ENOX2: variants seen among roughly 807,000 people sequenced by gnomAD.
ENOX2 encodes the protein APK1 antigen.
ENOX2 carries 36 observed loss-of-function variants against 45.0 expected under a neutral mutation model. The ratio of observed to expected loss-of-function variants is 0.80; its 90% CI spans 0.61 to 1.06. ENOX2 has a LOEUF of 1.06. ENOX2 is among the 50% of genes least tolerant of loss of function. ENOX2 has a pLI of 0.00. For missense variants in ENOX2, 423 were observed against 462.5 expected (o/e 0.91, Z 0.78); for synonymous variants, 174 against 152.3 (o/e 1.14, Z -1.05).
intron 3 of ENOX2, among the ~76,000 whole-genome samples, chrX:130,726,117 T>C (rs1470297813): frequency 2.7e-5 from 3 of 112,170 alleles, no homozygotes; most frequent in African/African-American, 9.7e-5. Context: ...GAACTTGGAA[T>C]ACACATGAAC....
intron 13 of ENOX2, among the ~76,000 whole-genome samples, chrX:130,628,578 A>G (rs1390284684): frequency 1.8e-5 from 2 of 112,881 alleles, no homozygotes; most frequent in Non-Finnish European, 3.7e-5. Flanking sequence ...GCCTCTCACA[A>G]GAAAGTCTGC....
intron 3 of ENOX2, among the ~76,000 whole-genome samples, chrX:130,752,867 TTCTC>T (rs2039259553): frequency 9.0e-6 from 1 of 111,038 alleles, no homozygotes; most frequent in Non-Finnish European, 1.9e-5. Flanking sequence ...TGGTCTCTGC[TTCTC>T]TCTATGATGA....
intron 10 of ENOX2, among the ~76,000 whole-genome samples, chrX:130,645,424 A>G (rs2036202070): frequency 8.9e-6 from 1 of 112,589 alleles, no homozygotes; most frequent in African/African-American, 3.2e-5. Context: ...AATGTAGTCC[A>G]GGAAATACAA....
intron 4 of ENOX2, among the ~76,000 whole-genome samples, chrX:130,702,190 C>T: frequency 9.0e-6 from 1 of 111,459 alleles, no homozygotes; most frequent in Middle Eastern, 4.6e-3. Flanking sequence ...AATGGCAAGA[C>T]AAAATGGCAT....
chrX:130,707,159 A>T (rs1160605420), intron 3 of ENOX2, among the ~76,000 whole-genome samples: 2 of 112,147 alleles, frequency 1.8e-5, no homozygotes. Flanking sequence ...AATATTCAGA[A>T]GGCGAATGCT....
intron 8 of ENOX2, among the ~76,000 whole-genome samples, chrX:130,666,314 G>A (rs1299776900): frequency 8.9e-6 from 1 of 111,957 alleles, no homozygotes; most frequent in Non-Finnish European, 1.9e-5. Context: ...AGATAGACTC[G>A]TTGACTGGAA....
At chrX:130,890,584 T>C (rs2078970892) in intron 2 of ENOX2, among the ~76,000 whole-genome samples, 1 of 112,453 alleles carries the variant, frequency 8.9e-6, no homozygotes, top group Non-Finnish European at 1.9e-5. Context: ...AAAACAGAAA[T>C]TGTAACAGTT....
At chrX:130,782,447 T>C (rs1398312319) in intron 3 of ENOX2, among the ~76,000 whole-genome samples, 1 of 111,714 alleles carries the variant, frequency 9.0e-6, no homozygotes, top group African/African-American at 3.3e-5. Flanking sequence ...CTATACACCA[T>C]GCCTTTCCAT....
intron 6 of ENOX2, 150 bp from the exon 7 acceptor site, chrX:130,670,348 C>T: frequency 2.2e-6 from 1 of 451,755 alleles, no homozygotes; most frequent in Non-Finnish European, 3.9e-6. Context: ...TGCAGCAGTT[C>T]CAAGTGACCA....
intron 10 of ENOX2, among the ~76,000 whole-genome samples, chrX:130,655,020 A>C (rs2036510337): frequency 8.9e-6 from 1 of 112,449 alleles, no homozygotes; most frequent in Non-Finnish European, 1.9e-5. Flanking sequence ...CACTGACTAA[A>C]TACTGTGTAC....
intron 7 of ENOX2, among the ~76,000 whole-genome samples, chrX:130,668,335 C>T (rs1236294202): frequency 1.8e-5 from 2 of 111,710 alleles, no homozygotes; most frequent in Non-Finnish European, 3.8e-5. Flanking sequence ...TGCACATCTT[C>T]GACCTTTTAT....
At position 130,866,999 on chromosome X, in the gene ENOX2, TTATAAC is replaced by T. The variant is rs1034580434; in HGVS notation, c.-183+34679_-183+34684del. Among the ~76,000 whole-genome samples the T allele has an allele frequency of 3.8e-4, 42 of 110,844 alleles. No homozygotes were observed. In the South Asian group the frequency reaches 0.013, roughly 35 times the overall value. On this transcript the variant is annotated intron_variant, in intron 2 of 14. Transcript: ENST00000394363. ...TTATTAATATTTACTATATTATAAA[TTATAAC>T]TATGACTTGTAAAAGTAATTATTCA...
intron 3 of ENOX2, among the ~76,000 whole-genome samples, chrX:130,724,187 C>T (rs773355297): frequency 2.0e-4 from 23 of 112,388 alleles, no homozygotes; most frequent in Non-Finnish European, 3.8e-4. Flanking sequence ...CTTTTGCCAA[C>T]TGAACTCAGC....
chrX:130,881,527 C>T (rs1420104019), intron 2 of ENOX2, among the ~76,000 whole-genome samples: 1 of 112,059 alleles, frequency 8.9e-6, no homozygotes, highest in Admixed American at 9.4e-5. Flanking sequence ...TTACACATGT[C>T]TTAGGTAACG....
Position 130,679,659 on chromosome X carries a change from T to C in ENOX2, c.343A>G (p.Ile115Val). 1.7e-6 allele frequency: 2 copies of C among 1,210,210 alleles called. No homozygotes were observed. Among genetic ancestry groups the C allele is most frequent in the Non-Finnish European group, 1.1e-6 (1 of 894,028 alleles). Reference sequence around the variant, plus strand: ...CCACACTGCTCGAAAACTTCCACAATGATTTGCTCTGTCCCATTTTCAGGC... The same window carrying C: ...CCACACTGCTCGAAAACTTCCACAACGATTTGCTCTGTCCCATTTTCAGGC... ...GLPENGTEQI[I>V]VEVFEQCGEI... Residue 115 changes from isoleucine (I) to valine (V), a missense_variant, in exon 6 of 15, where the codon ATT becomes GTT. Physicochemically the swap from Ile to Val is conservative, Grantham distance 29. Transcript: ENST00000394363.
At chrX:130,640,350 A>G (rs2036046093) in intron 10 of ENOX2, among the ~76,000 whole-genome samples, 1 of 112,607 alleles carries the variant, frequency 8.9e-6, no homozygotes, top group Non-Finnish European at 1.9e-5. Context: ...ACAACTGTGG[A>G]AGACAGTGTG....
intron 2 of ENOX2, among the ~76,000 whole-genome samples, chrX:130,888,121 T>C (rs752899222): frequency 1.8e-5 from 2 of 111,864 alleles, no homozygotes; most frequent in African/African-American, 3.3e-5. Context: ...CACACAACTT[T>C]TGTCCATATA....
At chrX:130,694,600 CTTTTT>C (rs1176052103) in intron 4 of ENOX2, among the ~76,000 whole-genome samples, 4 of 86,179 alleles carry the variant, frequency 4.6e-5, no homozygotes, top group African/African-American at 1.7e-4. Context: ...CTTTTCTTTT[CTTTTT>C]TTTTTTTTTT....
At chrX:130,771,255 A>C (rs1299223228) in intron 3 of ENOX2, among the ~76,000 whole-genome samples, 1 of 111,918 alleles carries the variant, frequency 8.9e-6, no homozygotes, top group African/African-American at 3.2e-5. Context: ...TATGTGCTTC[A>C]ATAATAACAT....
Sources: gnomAD v4.1 joint callset for allele counts (sites outside exome capture counted in the v4.1 genomes callset) on GRCh38, gnomAD v4.1.1 for gene constraint, MANE v1.5 for transcripts, NCBI Gene and HGNC (gene_info 2026-07-23, HGNC 2026-07-21) for gene names.